The following PAX5 variants were observed in gnomAD, a reference collection of about 807,000 sequenced individuals.
PAX5 encodes paired box protein Pax-5.
Under a neutral mutation model 43.7 loss-of-function variants are expected in PAX5, and 9 were observed. The ratio of observed to expected loss-of-function variants is 0.21; its 90% CI spans 0.12 to 0.36. The LOEUF is 0.36. Among genes scored for constraint, PAX5 ranks in the 10% least tolerant of loss-of-function variants. The pLI is 1.00. For synonymous variants in PAX5, 228 were observed against 214.3 expected (o/e 1.06, Z -0.56); for missense variants, 383 against 532.7 (o/e 0.72, Z 2.77).
At chr9:36,940,632 A>T (rs1460827449) in intron 6 of PAX5, among the ~76,000 whole-genome samples, 1 of 151,994 alleles carries the variant, frequency 6.6e-6, no homozygotes, top group Non-Finnish European at 1.5e-5. Flanking sequence ...CTAGAAGTGG[A>T]CACCAGGATG....
rs751071036 is a variant in PAX5, at chr9:36,846,850, C to T, written c.1092G>A (p.Gly364=). 1.2e-6 allele frequency: 2 copies of T among 1,613,632 alleles called. No individual in the cohort carries two copies. Among genetic ancestry groups the T allele is most frequent in the Non-Finnish European group, 1.7e-6 (2 of 1,179,564 alleles). ...GCCTCCGCCAGTACTCACCAAGCAGCCCCGGGTTGGGGAACCTCCAGGAGT... is the reference window on the plus strand; with the variant it reads ...GCCTCCGCCAGTACTCACCAAGCAGTCCCGGGTTGGGGAACCTCCAGGAGT... The part of the protein sequence containing the change: ...YNDSWRFPNP[G]LLGSPYYYSA... The change falls in exon 9 of 10, where the codon GGG becomes GGA. Residue 364 remains glycine (G), a synonymous_variant. Coordinates refer to ENST00000358127, the MANE Select transcript of PAX5 (RefSeq NM_016734.3).
chr9:36,866,632 C>T (rs979789149), intron 8 of PAX5, among the ~76,000 whole-genome samples: 4 of 152,006 alleles, frequency 2.6e-5, no homozygotes, highest in Non-Finnish European at 5.9e-5. Context: ...TGCACAAGGA[C>T]AGGAGACAAA....
intron 7 of PAX5, among the ~76,000 whole-genome samples, chr9:36,895,559 AC>A: frequency 6.6e-6 from 1 of 152,180 alleles, no homozygotes; most frequent in South Asian, 2.1e-4. Flanking sequence ...ACCTCCTTAG[AC>A]TGCTTAAAAG....
At position 36,833,695 on chromosome 9, in the gene PAX5, GA is replaced by G. The variant is rs35920033; in HGVS notation, c.*6864del. 8.7e-6 allele frequency: 2 copies of G among 231,062 alleles called. No homozygotes were observed. The highest frequency in any genetic ancestry group is 3.6e-4 in the South Asian group (2 of 5,486). 14.3% of individuals were successfully genotyped at this position (231,062 alleles called of 1,614,324 possible). On this transcript the variant is annotated 3_prime_UTR_variant, in exon 10 of 10. Transcript: ENST00000358127. ...ACACAAAAGCAACACACGTCACTAA[GA>G]AAAAAACCACCAATATTTCAAGTCA...
rs186922207 is a variant in PAX5, at chr9:36,983,986, T to A, written c.605-17262A>T. Among the ~76,000 whole-genome samples the A allele has an allele frequency of 3.3e-4, 51 of 152,298 alleles. No homozygotes were observed. The East Asian group carries it at 7.1e-3, about 21-fold the overall frequency. On this transcript the variant is annotated intron_variant, in intron 5 of 9. Coordinates refer to ENST00000358127, the MANE Select transcript of PAX5 (RefSeq NM_016734.3). ...ATAAATGTACTTCCTTGATCATGAA[T>A]AGTAAAAGCTTGTTCCTAACAGACA...
intron 6 of PAX5, among the ~76,000 whole-genome samples, chr9:36,926,473 G>A (rs887958150): frequency 6.6e-5 from 10 of 152,228 alleles, no homozygotes; most frequent in African/African-American, 2.4e-4. Context: ...CATGCAGCAA[G>A]AGCTATTGGA....
At chr9:37,033,719 C>A (rs1841236493) in intron 1 of PAX5, among the ~76,000 whole-genome samples, 1 of 152,092 alleles carries the variant, frequency 6.6e-6, no homozygotes, top group Admixed American at 6.5e-5. Flanking sequence ...CTTATATAAA[C>A]ACACAGGCCC....
chr9:37,026,090 C>A (rs1299562912), intron 1 of PAX5, among the ~76,000 whole-genome samples: 1 of 152,222 alleles, frequency 6.6e-6, no homozygotes, highest in African/African-American at 2.4e-5. Context: ...GGGTCAGGGC[C>A]CCACTATCCC....
chr9:36,855,648 G>C (rs1823594932), intron 8 of PAX5, among the ~76,000 whole-genome samples: 1 of 152,118 alleles, frequency 6.6e-6, no homozygotes, highest in Admixed American at 6.5e-5. Flanking sequence ...ACGCCGCCTG[G>C]TGGCGGTCAA....
intron 7 of PAX5, among the ~76,000 whole-genome samples, chr9:36,911,348 G>T (rs904167664): frequency 6.6e-6 from 1 of 151,184 alleles, no homozygotes; most frequent in Non-Finnish European, 1.5e-5. Context: ...TTTGAGATCG[G>T]GGGGGTCTCC....
chr9:36,970,741 A>C (rs981595303), intron 5 of PAX5, among the ~76,000 whole-genome samples: 8 of 152,102 alleles, frequency 5.3e-5, no homozygotes, highest in African/African-American at 1.9e-4. Context: ...TGTTCTCCAG[A>C]CACAGCCAGA....
chr9:36,881,538 C>A (rs1389993891), intron 8 of PAX5, among the ~76,000 whole-genome samples: 1 of 151,986 alleles, frequency 6.6e-6, no homozygotes, highest in Non-Finnish European at 1.5e-5. Context: ...ACAAACCCAC[C>A]ATCCAACATC....
intron 7 of PAX5, among the ~76,000 whole-genome samples, chr9:36,895,508 T>C (rs1008466460): frequency 2.0e-5 from 3 of 152,210 alleles, no homozygotes; most frequent in African/African-American, 7.2e-5. Flanking sequence ...TTGGGCAAGA[T>C]TACACCTCAG....
intron 7 of PAX5, among the ~76,000 whole-genome samples, chr9:36,887,604 T>C (rs4454368): frequency 0.85 from 129,572 of 152,006 alleles, 55,987 homozygotes; most frequent in East Asian, 0.93. Context: ...CTAACTATGA[T>C]TTGAAACCAG....
intron 8 of PAX5, among the ~76,000 whole-genome samples, chr9:36,849,151 G>A (rs75002650): frequency 0.049 from 7,535 of 152,244 alleles, 647 homozygotes; most frequent in African/African-American, 0.17. Context: ...CTGCAGGTCC[G>A]TTGGATTCCT....
rs990318287 is a variant in PAX5, at chr9:36,833,957, G to T, written c.*6603C>A. 1 of 232,388 alleles carries T rather than the reference G, an allele frequency of 4.3e-6. No homozygotes were observed. Among genetic ancestry groups the T allele is most frequent in the Non-Finnish European group, 8.5e-6 (1 of 117,768 alleles). 14.4% of individuals were successfully genotyped at this position (232,388 alleles called of 1,614,324 possible). On this transcript the variant is annotated 3_prime_UTR_variant, in exon 10 of 10. Coordinates refer to ENST00000358127, the MANE Select transcript of PAX5 (RefSeq NM_016734.3). ...GATATGTATTTCTTTGATGCTGAAA[G>T]GTCAGTCCCTAAGACAAAATCAAAT... is the stretch of plus-strand genomic sequence containing the variant.
chr9:36,923,385 G>A lies in PAX5; in HGVS notation c.880C>T (p.Pro294Ser), dbSNP rs2131968772. ...ACAATGGGGTAGGACTGCGGGCCTG[G>A]CACACTGCTCCCGATGTCAGCAGGG... ...PTPADIGSSVPGPQSYPIVTG... is the reference protein window; with the variant it reads ...PTPADIGSSVSGPQSYPIVTG... Residue 294 changes from proline (P) to serine (S), a missense_variant, in exon 7 of 10, where the codon CCA becomes TCA. Physicochemically the swap from Pro to Ser is moderately conservative, Grantham distance 74. Transcript: ENST00000358127. 6.2e-7 allele frequency: 1 copy of A among 1,612,962 alleles called. No homozygotes were observed.
rs540283069 is a variant in PAX5, at chr9:36,992,361, G to C, written c.604+10287C>G. On this transcript the variant is annotated intron_variant, in intron 5 of 9. Transcript: ENST00000358127. The stretch of plus-strand genomic sequence containing the variant: ...TCCCATCAAAAATATGCCCCAGATG[G>C]GGTCTCCAGGTGGCTGCAGGCTAGT... Among the ~76,000 whole-genome samples the C allele has an allele frequency of 1.5e-3, 226 of 152,320 alleles. 1 individual carries two copies. The highest frequency in any genetic ancestry group is 2.8e-3 in the Non-Finnish European group (190 of 68,038).
chr9:36,929,277 G>C (rs11506618), intron 6 of PAX5, among the ~76,000 whole-genome samples: 179 of 150,098 alleles, frequency 1.2e-3, no homozygotes, highest in African/African-American at 4.2e-3. Flanking sequence ...AAGGAAGGAA[G>C]GAAGGAAGGA....
Sources: allele counts gnomAD v4.1 joint callset (sites outside exome capture counted in the v4.1 genomes callset), GRCh38; gene constraint gnomAD v4.1.1; transcripts MANE v1.5; gene names NCBI Gene and HGNC (gene_info 2026-07-23, HGNC 2026-07-21).